NR5A2: variants seen among roughly 807,000 people sequenced by gnomAD.
NR5A2 encodes CYP7A promoter-binding factor.
NR5A2 carries 26 observed loss-of-function variants against 62.7 expected under a neutral mutation model. The observed-to-expected ratio is 0.41, with a 90% CI of 0.30 to 0.58. The LOEUF is 0.58. Ranked by LOEUF, NR5A2 falls within the 20% of genes least tolerant of loss-of-function variation. The probability of loss-of-function intolerance (pLI) is 0.22; values close to 1 mark genes in which losing one functional copy is unlikely to be tolerated. For missense variants in NR5A2, 541 were observed against 669.1 expected (o/e 0.81, Z 2.11); for synonymous variants, 246 against 241.7 (o/e 1.02, Z -0.16).
chr1:200,125,662 T>G (rs1418937403), intron 7 of NR5A2, among the ~76,000 whole-genome samples: 1 of 152,194 alleles, frequency 6.6e-6, no homozygotes, highest in African/African-American at 2.4e-5. Context: ...TAGTCATGAT[T>G]TCTTTATCTT....
intron 1 of NR5A2, among the ~76,000 whole-genome samples, chr1:200,034,014 G>A (rs1487382993): frequency 2.0e-5 from 3 of 152,160 alleles, no homozygotes; most frequent in African/African-American, 7.2e-5. Context: ...CAAAAGCCGA[G>A]GAATTCTGAA....
chr1:200,147,130 G>A lies in NR5A2; in HGVS notation c.1378+26175G>A, dbSNP rs769889704. On this transcript the variant is annotated intron_variant, in intron 7 of 7. Transcript: ENST00000367362. This position sits in a 1 kb window ranked among gnomAD's most constrained non-coding sequence, Gnocchi z 4.9. ...AGGGCTGGTGAGGAAAATAAAAAATGTTTCCGAAAAAAGTGGGCTGTGATG... is the reference window on the plus strand; with the variant it reads ...AGGGCTGGTGAGGAAAATAAAAAATATTTCCGAAAAAAGTGGGCTGTGATG... Among the ~76,000 whole-genome samples the A allele has an allele frequency of 2.1e-4, 32 of 152,168 alleles. No individual in the cohort carries two copies. The highest frequency in any genetic ancestry group is 4.0e-4 in the Non-Finnish European group (27 of 68,004).
At chr1:200,134,026 T>C (rs552444373) in intron 7 of NR5A2, among the ~76,000 whole-genome samples, 1 of 150,258 alleles carries the variant, frequency 6.7e-6, no homozygotes, top group East Asian at 1.9e-4. Context: ...AATTTAAAAA[T>C]AGAAAAAAGC....
chr1:200,129,175 T>C (rs1429052090), intron 7 of NR5A2, among the ~76,000 whole-genome samples: 1 of 152,158 alleles, frequency 6.6e-6, no homozygotes, highest in African/African-American at 2.4e-5. Flanking sequence ...CCAGAGCTTA[T>C]AACTCCAGCA....
intron 6 of NR5A2, among the ~76,000 whole-genome samples, chr1:200,112,510 G>C (rs1464896561): frequency 2.0e-5 from 3 of 152,130 alleles, no homozygotes; most frequent in Non-Finnish European, 4.4e-5. Flanking sequence ...CCACAGCAAT[G>C]CTATTTGGAA....
At chr1:200,060,038 C>T (rs757297772) in intron 5 of NR5A2, among the ~76,000 whole-genome samples, 7 of 152,198 alleles carry the variant, frequency 4.6e-5, no homozygotes, top group Non-Finnish European at 7.3e-5. Context: ...CCTCTCCATA[C>T]AGTAGGCTAA....
intron 7 of NR5A2, among the ~76,000 whole-genome samples, chr1:200,144,972 C>T (rs181949165): frequency 9.9e-5 from 15 of 152,230 alleles, no homozygotes; most frequent in African/African-American, 3.1e-4. Flanking sequence ...GTTTAAACCT[C>T]GTTGCTCATC....
At chr1:200,137,740 C>T (rs1667288780) in intron 7 of NR5A2, among the ~76,000 whole-genome samples, 1 of 152,066 alleles carries the variant, frequency 6.6e-6, no homozygotes, top group Non-Finnish European at 1.5e-5. Flanking sequence ...TAGTATGTTT[C>T]TGATATAGAC....
At chr1:200,031,023 C>CT (rs1489783672) in intron 1 of NR5A2, among the ~76,000 whole-genome samples, 4 of 152,196 alleles carry the variant, frequency 2.6e-5, no homozygotes, top group African/African-American at 9.6e-5. Flanking sequence ...CTCCAGCGAG[C>CT]TTTATTTAGA....
chr1:200,061,294 T>TG (rs11431259), intron 5 of NR5A2, among the ~76,000 whole-genome samples: 23 of 149,764 alleles, frequency 1.5e-4, no homozygotes, highest in Admixed American at 1.3e-3. Context: ...TTTTTTTTTT[T>TG]GGAGACAGAG....
At chr1:200,027,953 A>T (rs751242743) in intron 1 of NR5A2, 42 bp downstream of exon 1, 6 of 1,307,070 alleles carry the variant, frequency 4.6e-6, no homozygotes, top group Non-Finnish European at 6.4e-6. Flanking sequence ...TTATTCTGCT[A>T]CTACATACAT....
At chr1:200,086,114 T>C (rs1047706440) in intron 5 of NR5A2, among the ~76,000 whole-genome samples, 1 of 152,158 alleles carries the variant, frequency 6.6e-6, no homozygotes, top group Non-Finnish European at 1.5e-5. Flanking sequence ...TAAAAGATGC[T>C]GAAACACTGG....
chr1:200,058,781 GTTTTGTTTTTTGT>G (rs1436934996), intron 5 of NR5A2, among the ~76,000 whole-genome samples: 6 of 148,060 alleles, frequency 4.1e-5, no homozygotes, highest in African/African-American at 1.3e-4. Flanking sequence ...GCTGGGCTGG[GTTTTGTTTTTTGT>G]TTTTGTTTTT....
Position 200,095,801 on chromosome 1 carries a change from C to T in NR5A2, c.1111-15401C>T, listed in dbSNP as rs551804750. 4.6e-5 allele frequency among the ~76,000 whole-genome samples: 7 copies of T among 152,198 alleles called. 1 individual carries two copies. In the South Asian group the frequency reaches 1.5e-3, roughly 32 times the overall value. ...TCTCCTGACCTTGTGATCTGCCCGC[C>T]TTGGCCTCCCAAAGTGCTGGGATTA... On this transcript the variant is annotated intron_variant, in intron 5 of 7. Transcript: ENST00000367362.
Position 200,120,906 on chromosome 1 carries a change from T to C in NR5A2, c.1329T>C (p.Phe443=). The change falls in exon 7 of 8, where the codon TTT becomes TTC. Residue 443 remains phenylalanine, a synonymous_variant. Transcript: ENST00000367362. ...ELVAKLRSLQ[F]DQREFVCLKF... ...TGGCAAAACTTCGTTCTCTCCAGTTTGATCAACGAGAGTTCGTATGTCTGA... is the reference window on the plus strand; with the variant it reads ...TGGCAAAACTTCGTTCTCTCCAGTTCGATCAACGAGAGTTCGTATGTCTGA... 1 of 1,613,784 alleles carries C rather than the reference T, an allele frequency of 6.2e-7. No individual in the cohort carries two copies.
intron 4 of NR5A2, among the ~76,000 whole-genome samples, chr1:200,045,845 A>G (rs902607583): frequency 1.3e-5 from 2 of 152,106 alleles, no homozygotes; most frequent in Non-Finnish European, 2.9e-5. Flanking sequence ...GAGCAGATGC[A>G]TTAGACACAA....
At chr1:200,062,636 T>G (rs958802818) in intron 5 of NR5A2, among the ~76,000 whole-genome samples, 3 of 152,212 alleles carry the variant, frequency 2.0e-5, no homozygotes, top group African/African-American at 7.2e-5. Context: ...TAATCAAATG[T>G]AATTGGGGAG....
chr1:200,037,682 A>G (rs1172408165), intron 1 of NR5A2, among the ~76,000 whole-genome samples: 1 of 152,250 alleles, frequency 6.6e-6, no homozygotes, highest in East Asian at 1.9e-4. Flanking sequence ...ACTTCAGCCC[A>G]CTTCTCCATA....
intron 2 of NR5A2, among the ~76,000 whole-genome samples, chr1:200,041,963 T>A (rs1343202932): frequency 2.6e-5 from 4 of 152,178 alleles, no homozygotes; most frequent in African/African-American, 9.7e-5. Context: ...GAAAGTGCGC[T>A]TTTCGCCTTG....
Sources: allele counts gnomAD v4.1 joint callset (sites outside exome capture counted in the v4.1 genomes callset), GRCh38; gene constraint gnomAD v4.1.1; non-coding constraint Gnocchi (gnomAD v3.1); transcripts MANE v1.5; gene names NCBI Gene and HGNC (gene_info 2026-07-23, HGNC 2026-07-21).